SYNPR: variants seen among roughly 807,000 people sequenced by gnomAD.
The protein encoded by SYNPR is synaptoporin.
In SYNPR, 23 loss-of-function variants were observed where a neutral mutation model predicts 32.9. The ratio of observed to expected loss-of-function variants is 0.70; its 90% CI spans 0.50 to 0.99. The LOEUF (loss-of-function observed/expected upper bound fraction) is 0.99, where lower values mean the gene tolerates loss of function less well. SYNPR is among the 50% of genes least tolerant of loss of function. The pLI, the probability that SYNPR is intolerant of heterozygous loss-of-function variation, is 0.00. For missense variants in SYNPR, 318 were observed against 349.3 expected (o/e 0.91, Z 0.71); for synonymous variants, 146 against 135.9 (o/e 1.07, Z -0.52).
intron 2 of SYNPR, among the ~76,000 whole-genome samples, chr3:63,258,016 G>C (rs1323097430): frequency 1.3e-5 from 2 of 152,106 alleles, no homozygotes; most frequent in African/African-American, 2.4e-5. Flanking sequence ...AACAAGAAGA[G>C]CTAACTATCC....
At chr3:63,476,273 GAGGGAGGGA>G (rs1461191566) in intron 2 of SYNPR, among the ~76,000 whole-genome samples, 4 of 52,926 alleles carry the variant, frequency 7.6e-5, no homozygotes, top group Admixed American at 5.6e-4. Context: ...GGAAGGAAGG[GAGGGAGGGA>G]AGGAAGGGAA....
At chr3:63,257,817 A>G (rs1462000917) in intron 2 of SYNPR, among the ~76,000 whole-genome samples, 5 of 152,192 alleles carry the variant, frequency 3.3e-5, no homozygotes, top group African/African-American at 4.8e-5. Context: ...CTGTATTCAG[A>G]AAACCCATCT....
intron 2 of SYNPR, among the ~76,000 whole-genome samples, chr3:63,453,871 C>A (rs1208684913): frequency 1.3e-5 from 2 of 152,094 alleles, no homozygotes; most frequent in African/African-American, 4.8e-5. Flanking sequence ...AAATAAATCA[C>A]AACTATTATT....
chr3:63,494,518 T>C (rs71619291), intron 3 of SYNPR, among the ~76,000 whole-genome samples: 12,371 of 49,954 alleles, frequency 0.25, 1,474 homozygotes, highest in East Asian at 0.42. Flanking sequence ...TATATACATA[T>C]ATACATATAT....
chr3:63,479,078 C>T (rs1405238910), intron 2 of SYNPR, among the ~76,000 whole-genome samples: 6 of 152,110 alleles, frequency 3.9e-5, no homozygotes, highest in Non-Finnish European at 8.8e-5. Flanking sequence ...TGTGGAGCGA[C>T]CTAGAATAGC....
intron 3 of SYNPR, among the ~76,000 whole-genome samples, chr3:63,542,635 A>G (rs924807772): frequency 5.3e-5 from 8 of 152,260 alleles, no homozygotes; most frequent in Middle Eastern, 6.8e-3. Flanking sequence ...GGCATGGACA[A>G]TCAGTTGAAT....
chr3:63,521,533 A>G (rs547280518), intron 3 of SYNPR, among the ~76,000 whole-genome samples: 2 of 152,174 alleles, frequency 1.3e-5, no homozygotes, highest in South Asian at 2.1e-4. Flanking sequence ...TATTTTACAG[A>G]TAAGAAAACA....
At chr3:63,336,054 G>A (rs1166194944) in intron 2 of SYNPR, among the ~76,000 whole-genome samples, 4 of 152,012 alleles carry the variant, frequency 2.6e-5, no homozygotes, top group Admixed American at 1.3e-4. Flanking sequence ...CCTTTTTTAT[G>A]TCTCATTTAG....
chr3:63,438,777 G>A (rs1018944584), intron 2 of SYNPR, among the ~76,000 whole-genome samples: 12 of 152,232 alleles, frequency 7.9e-5, no homozygotes, highest in Non-Finnish European at 1.5e-4. Context: ...TGTTCCATAA[G>A]TGAATTGGAT....
intron 2 of SYNPR, among the ~76,000 whole-genome samples, chr3:63,470,178 A>T (rs1700768745): frequency 6.6e-6 from 1 of 152,336 alleles, no homozygotes; most frequent in Non-Finnish European, 1.5e-5. Context: ...TCTGTAAAAA[A>T]GTATATACTG....
intron 3 of SYNPR, among the ~76,000 whole-genome samples, chr3:63,532,805 C>A (rs1249759351): frequency 6.6e-6 from 1 of 152,162 alleles, no homozygotes; most frequent in Non-Finnish European, 1.5e-5. Context: ...TTGTCCTAAG[C>A]AATTTAGTCC....
chr3:63,247,947 T>C (rs1452674219), intron 1 of SYNPR, among the ~76,000 whole-genome samples: 3 of 152,104 alleles, frequency 2.0e-5, no homozygotes, highest in Non-Finnish European at 4.4e-5. Context: ...TCATATGGTG[T>C]CTTCCTTGGT....
At chr3:63,612,134 A>T (rs1413555887) in intron 5 of SYNPR, among the ~76,000 whole-genome samples, 3 of 152,208 alleles carry the variant, frequency 2.0e-5, no homozygotes, top group Admixed American at 2.0e-4. Context: ...AGCTAAGGTA[A>T]ACTCTCTAAT....
intron 2 of SYNPR, among the ~76,000 whole-genome samples, chr3:63,301,371 T>G (rs1223723318): frequency 6.6e-6 from 1 of 152,098 alleles, no homozygotes; most frequent in African/African-American, 2.4e-5. Flanking sequence ...AAGACAGATG[T>G]TTATAACTAT....
intron 4 of SYNPR, among the ~76,000 whole-genome samples, chr3:63,563,326 G>T (rs1350161252): frequency 1.3e-5 from 2 of 152,096 alleles, no homozygotes; most frequent in Non-Finnish European, 2.9e-5. Context: ...ACAAAATAAG[G>T]TTTCTTGTTT....
In SYNPR at chr3:63,379,361, T is replaced by C. The variant is rs144028696; in HGVS notation, c.84+100619T>C. Among the ~76,000 whole-genome samples, 311 of 152,270 alleles carry C rather than the reference T, an allele frequency of 2.0e-3. 1 individual carries two copies. Among genetic ancestry groups the C allele is most frequent in the African/African-American group, 7.2e-3 (299 of 41,568 alleles). ...GGTTGGTGATATTCTTGAGTTATTCTATTATCCTTGCCCTTTTTCTTTCTA... is the reference window on the plus strand; with the variant it reads ...GGTTGGTGATATTCTTGAGTTATTCCATTATCCTTGCCCTTTTTCTTTCTA... On this transcript the variant is annotated intron_variant, in intron 2 of 5. Coordinates refer to ENST00000478300, the MANE Select transcript of SYNPR (RefSeq NM_001130003.2).
chr3:63,407,109 C>T (rs542238563), intron 2 of SYNPR, among the ~76,000 whole-genome samples: 81 of 152,286 alleles, frequency 5.3e-4, no homozygotes, highest in Middle Eastern at 3.4e-3. Context: ...CTGGATCAAA[C>T]ATGTACCTGG....
chr3:63,612,783 G>C (rs952960560), intron 5 of SYNPR, among the ~76,000 whole-genome samples: 1 of 151,942 alleles, frequency 6.6e-6, no homozygotes, highest in African/African-American at 2.4e-5. Context: ...TAGTAACAGG[G>C]AAAAGAGAAA....
chr3:63,205,126 G>A, the SYNPR span, among the ~76,000 whole-genome samples: 1 of 152,106 alleles, frequency 6.6e-6, no homozygotes, highest in Non-Finnish European at 1.5e-5. Context: ...GACCTTGCCA[G>A]ACTTGTAATT....
Sources: gnomAD v4.1 joint callset for allele counts (sites outside exome capture counted in the v4.1 genomes callset) on GRCh38, gnomAD v4.1.1 for gene constraint, MANE v1.5 for transcripts, NCBI Gene and HGNC (gene_info 2026-07-23, HGNC 2026-07-21) for gene names.